FMN2: variants seen among roughly 807,000 people sequenced by gnomAD.
FMN2 encodes the protein formin 2, also known as formin-2.
In FMN2, 51 loss-of-function variants were observed where a neutral mutation model predicts 142.3. That is an observed-to-expected ratio of 0.36 (90% CI 0.29 to 0.45). The LOEUF (loss-of-function observed/expected upper bound fraction) is 0.45. FMN2 is among the 20% of genes least tolerant of loss of function. The pLI is 1.00. For synonymous variants in FMN2, 882 were observed against 869.8 expected, an observed-to-expected ratio of 1.01 and a Z score of -0.25; for missense variants, 1,936 against 2,122.8, an observed-to-expected ratio of 0.91 and a Z score of 1.73.
intron 16 of FMN2, among the ~76,000 whole-genome samples, chr1:240,451,727 A>G (rs895582460): frequency 5.3e-5 from 8 of 152,112 alleles, no homozygotes; most frequent in African/African-American, 1.9e-4. Flanking sequence ...CTGATATAGT[A>G]AAATAGTGGG....
chr1:240,297,058 A>G (rs1670011656), intron 8 of FMN2, among the ~76,000 whole-genome samples: 1 of 152,168 alleles, frequency 6.6e-6, no homozygotes, highest in African/African-American at 2.4e-5. Flanking sequence ...AAAGGAGGAA[A>G]TACTAGAGGA....
At chr1:240,210,732 T>G (rs1666657771) in intron 5 of FMN2, among the ~76,000 whole-genome samples, 3 of 152,202 alleles carry the variant, frequency 2.0e-5, no homozygotes, top group Non-Finnish European at 4.4e-5. Context: ...ATGAATAATC[T>G]GCAAAGTTGT....
At chr1:240,331,915 CAG>C (rs1238173669) in intron 11 of FMN2, among the ~76,000 whole-genome samples, 1 of 152,126 alleles carries the variant, frequency 6.6e-6, no homozygotes, top group Non-Finnish European at 1.5e-5. Flanking sequence ...AAGTGAAAAA[CAG>C]AATGGTTGTA....
At chr1:240,152,948 T>C (rs1558324120) in intron 2 of FMN2, among the ~76,000 whole-genome samples, 1 of 152,218 alleles carries the variant, frequency 6.6e-6, no homozygotes, top group South Asian at 2.1e-4. Context: ...CCTGTGATTT[T>C]GGGTGAGTTA....
intron 6 of FMN2, among the ~76,000 whole-genome samples, chr1:240,228,926 A>C (rs567416385): frequency 6.6e-6 from 1 of 152,222 alleles, no homozygotes; most frequent in Non-Finnish European, 1.5e-5. Flanking sequence ...TTTGATGAAG[A>C]GACTAAAGAT....
intron 14 of FMN2, among the ~76,000 whole-genome samples, chr1:240,379,682 T>TA (rs1201315451): frequency 3.9e-5 from 6 of 152,190 alleles, no homozygotes; most frequent in Non-Finnish European, 7.3e-5. Flanking sequence ...TTTCATATAT[T>TA]AAATACATTT....
intron 6 of FMN2, among the ~76,000 whole-genome samples, chr1:240,240,611 T>C (rs538387116): frequency 6.6e-6 from 1 of 152,352 alleles, no homozygotes; most frequent in African/African-American, 2.4e-5. Context: ...GGCAATATCA[T>C]GAAACATTTA....
At chr1:240,325,057 G>C (rs977795621) in intron 8 of FMN2, among the ~76,000 whole-genome samples, 1 of 152,084 alleles carries the variant, frequency 6.6e-6, no homozygotes, top group African/African-American at 2.4e-5. Flanking sequence ...GAATGAAAAG[G>C]GATATGTTTT....
chr1:240,103,269 T>G (rs1462487044), intron 1 of FMN2, among the ~76,000 whole-genome samples: 1 of 152,260 alleles, frequency 6.6e-6, no homozygotes, highest in Non-Finnish European at 1.5e-5. Context: ...AAGCTAGGCA[T>G]GTGGCTTTAG....
At chr1:240,368,529 C>A (rs192780162) in intron 14 of FMN2, among the ~76,000 whole-genome samples, 2 of 152,062 alleles carry the variant, frequency 1.3e-5, no homozygotes, top group African/African-American at 4.8e-5. Flanking sequence ...ATTCAAATAG[C>A]TTACATCTTA....
intron 5 of FMN2, 63 bp from the exon 6 acceptor site, chr1:240,211,028 T>C: frequency 2.7e-6 from 4 of 1,497,638 alleles, no homozygotes; most frequent in Admixed American, 2.2e-5. Flanking sequence ...CCTTTCTATT[T>C]ATGCTTGCTG....
At chr1:240,395,952 C>G (rs1442673882) in intron 15 of FMN2, among the ~76,000 whole-genome samples, 2 of 152,174 alleles carry the variant, frequency 1.3e-5, no homozygotes, top group Non-Finnish European at 2.9e-5. Context: ...ACAGAGAAAT[C>G]TTTTGTGAAA....
rs985878147 is a variant in FMN2, at chr1:240,411,946, G to A, written c.4910+19384G>A. Among the ~76,000 whole-genome samples, 5 of 152,240 alleles carry A rather than the reference G, an allele frequency of 3.3e-5. 1 individual carries two copies. Among genetic ancestry groups the A allele is most frequent in the East Asian group, 1.9e-4 (1 of 5,172 alleles). ...GAAGCTCAGGAGTGATGTGGCAGGC[G>A]GCTGAACTTTGTACATCCTCAATAT... On this transcript the variant is annotated intron_variant, in intron 15 of 17. Coordinates refer to ENST00000319653, the MANE Select transcript of FMN2 (RefSeq NM_020066.5).
At chr1:240,429,895 G>GT (rs1217708106) in intron 15 of FMN2, among the ~76,000 whole-genome samples, 130 of 119,054 alleles carry the variant, frequency 1.1e-3, no homozygotes, top group African/African-American at 5.7e-3. Flanking sequence ...TTTTTTTTTT[G>GT]TTTTTTTTGA....
At chr1:240,318,199 G>T (rs925415411) in intron 8 of FMN2, among the ~76,000 whole-genome samples, 1 of 152,146 alleles carries the variant, frequency 6.6e-6, no homozygotes, top group Non-Finnish European at 1.5e-5. Context: ...GTTGGAGTAG[G>T]CCTTGTATTA....
chr1:240,346,132 C>T (rs1452852990), intron 13 of FMN2, among the ~76,000 whole-genome samples: 1 of 152,066 alleles, frequency 6.6e-6, no homozygotes, highest in African/African-American at 2.4e-5. Context: ...GTACAGTAGT[C>T]TCCCCTTATC....
In FMN2 at chr1:240,248,918, ATTAT is replaced by A. The variant is rs534068342; in HGVS notation, c.4066-9011_4066-9008del. ...CTTAAAAAGTGGGCAAAGGAGATGA[ATTAT>A]TTATTTATTTATTTACTTACTTATT... On this transcript the variant is annotated intron_variant, in intron 6 of 17. Transcript: ENST00000319653. Among the ~76,000 whole-genome samples the A allele has an allele frequency of 1.2e-4, 19 of 152,026 alleles. No homozygotes were observed. In the South Asian group the frequency reaches 2.3e-3, roughly 18 times the overall value.
intron 2 of FMN2, among the ~76,000 whole-genome samples, chr1:240,141,661 C>T (rs570409789): frequency 2.0e-5 from 3 of 152,298 alleles, no homozygotes; most frequent in African/African-American, 4.8e-5. Context: ...TGAGCCACCA[C>T]GCCCAGCCAT....
At chr1:240,347,602 A>G (rs1431048799) in intron 13 of FMN2, among the ~76,000 whole-genome samples, 1 of 152,110 alleles carries the variant, frequency 6.6e-6, no homozygotes, top group African/African-American at 2.4e-5. Context: ...TTTTGTTACA[A>G]AGATGCTAAG....
Sources: allele counts gnomAD v4.1 joint callset (sites outside exome capture counted in the v4.1 genomes callset), GRCh38; gene constraint gnomAD v4.1.1; transcripts MANE v1.5; gene names NCBI Gene and HGNC (gene_info 2026-07-23, HGNC 2026-07-21).